Variants in NDST2 observed in about 807,000 individuals in gnomAD.
The protein encoded by NDST2 is N-deacetylase and N-sulfotransferase 2, also known as bifunctional heparan sulfate N-deacetylase/N-sulfotransferase 2.
A neutral mutation model predicts 86.9 loss-of-function variants in NDST2; 32 were observed. That is an observed-to-expected ratio of 0.37 (90% CI 0.28 to 0.49). The LOEUF (loss-of-function observed/expected upper bound fraction) is 0.49. Ranked by LOEUF, NDST2 falls within the 20% of genes least tolerant of loss-of-function variation. The probability of loss-of-function intolerance (pLI) is 0.97; values close to 1 mark genes in which losing one functional copy is unlikely to be tolerated. For synonymous variants in NDST2, 409 were observed against 437.0 expected (o/e 0.94, Z 0.80); for missense variants, 950 against 1,146.9 (o/e 0.83, Z 2.48).
At position 73,807,622 on chromosome 10, in the gene NDST2, A is replaced by ACTGGTC. The variant is rs1424148353; in HGVS notation, c.761_766dup (p.Gly254_Pro255dup). On this transcript the variant is annotated inframe_insertion, in exon 3 of 15. Transcript: ENST00000309979. ...AGTGGGAAGCCGGGCCCGACGAAGA[A>ACTGGTC]CTGGTCCTGGCACTGCGGGCTCAGC... is the stretch of plus-strand genomic sequence containing the variant. 3.7e-6 allele frequency: 6 copies of ACTGGTC among 1,614,238 alleles called. No homozygotes were observed. Among genetic ancestry groups the ACTGGTC allele is most frequent in the African/African-American group, 1.3e-5 (1 of 75,068 alleles).
chr10:73,806,411 T>C lies in NDST2; in HGVS notation c.1312A>G (p.Ile438Val). 6.2e-7 allele frequency: 1 copy of C among 1,613,864 alleles called. No individual in the cohort carries two copies. Among genetic ancestry groups the C allele is most frequent in the Non-Finnish European group, 8.5e-7 (1 of 1,179,860 alleles). The change falls in exon 6 of 15, where the codon ATC becomes GTC. Residue 438 changes from isoleucine to valine, a missense_variant. Ile to Val is a conservative substitution (Grantham distance 29). This residue lies in a region of NDST2 where 586 missense variants were observed against 714.0 expected (regional missense o/e 0.82). Transcript: ENST00000309979. This position sits in a 1 kb window ranked among gnomAD's most constrained non-coding sequence, Gnocchi z 4.5. ...VAPHHSGVYP[I>V]HTQLYEAWKS... ...CAGGCCTCATAGAGCTGCGTGTGGA[T>C]GGGGTACACACCCGAGTGGTGGGGG...
rs749686057 is a variant in NDST2 at position 73,806,032 on chromosome 10, G to A, written c.1435-4C>T. 5.0e-6 allele frequency: 8 copies of A among 1,610,988 alleles called. No homozygotes were observed. In the East Asian group the frequency reaches 1.6e-4, roughly 31 times the overall value. On this transcript the variant is annotated splice_polypyrimidine_tract_variant and splice_region_variant and intron_variant, in intron 6 of 14. Transcript: ENST00000309979. This position sits in a 1 kb window ranked among gnomAD's most constrained non-coding sequence, Gnocchi z 4.5. Reference sequence around the variant, plus strand: ...CACATGTCTGCCGGGGCAGCACCTGGAGGGAAAAGAAAAAACAGATGAGAT... The same window carrying A: ...CACATGTCTGCCGGGGCAGCACCTGAAGGGAAAAGAAAAAACAGATGAGAT...
chr10:73,802,622 G>C (rs1164052641), intron 14 of NDST2, 46 bp from the exon 15 acceptor site: 1 of 1,614,078 alleles, frequency 6.2e-7, no homozygotes, highest in Non-Finnish European at 8.5e-7. Context: ...GTGGGACACA[G>C]AATCAGATCC....
Position 73,808,196 on chromosome 10 carries a change from G to A in NDST2, c.193C>T (p.Pro65Ser), listed in dbSNP as rs1479455153. The change falls in exon 3 of 15, where the codon CCT becomes TCT. Residue 65 changes from proline (P) to serine (S), a missense_variant. By Grantham distance (74) the Pro-to-Ser change is moderately conservative (BLOSUM62 -1). Around this residue, in one of 5 missense-constraint regions of NDST2, gnomAD observed 586 missense variants for 714.0 expected, o/e 0.82. Coordinates refer to ENST00000309979, the MANE Select transcript of NDST2 (RefSeq NM_003635.4). The surrounding 1 kb of genome is among the most constrained non-coding windows in gnomAD (Gnocchi z 4.3). ...CGAGGTGGAACTGGAGGCCGTGCAG[G>A]GCCAGGACCAGCTGCCCCACCGCTG... ...CSSGGAAGPG[P>S]ARPPVPPRPP... is the part of the protein sequence containing the mutation. 2 of 1,613,878 alleles carry A rather than the reference G, an allele frequency of 1.2e-6. No homozygotes were observed. Among genetic ancestry groups the A allele is most frequent in the Non-Finnish European group, 1.7e-6 (2 of 1,179,880 alleles).
At chr10:73,804,902 ATTTTT>A in intron 8 of NDST2, 33 bp from the exon 9 acceptor site, 32 of 983,064 alleles carry the variant, frequency 3.3e-5, no homozygotes, top group Middle Eastern at 3.1e-4. Flanking sequence ...GATAAGGCCT[ATTTTT>A]TTTTTTTTTT....
At chr10:73,803,516 C>T in intron 11 of NDST2, 58 bp downstream of exon 11, 1 of 1,185,716 alleles carries the variant, frequency 8.4e-7, no homozygotes, top group Non-Finnish European at 1.3e-6. Context: ...CTAGCAGTCA[C>T]TGTCCCCTCC....
chr10:73,810,103 A>C (rs2084170346), intron 2 of NDST2, among the ~76,000 whole-genome samples: 1 of 152,084 alleles, frequency 6.6e-6, no homozygotes. Flanking sequence ...CCCACCCCCA[A>C]ACACACATCT....
At chr10:73,810,159 T>C (rs2084171094) in intron 2 of NDST2, among the ~76,000 whole-genome samples, 1 of 152,062 alleles carries the variant, frequency 6.6e-6, no homozygotes, top group Non-Finnish European at 1.5e-5. Context: ...TTGACAGAGA[T>C]GATTTAAAAA....
Position 73,806,502 on chromosome 10 carries a change from A to C in NDST2, c.1249-28T>G. On this transcript the variant is annotated intron_variant, in intron 5 of 14. Coordinates refer to ENST00000309979, the MANE Select transcript of NDST2 (RefSeq NM_003635.4). The surrounding 1 kb of genome is among the most constrained non-coding windows in gnomAD (Gnocchi z 4.5). ...GGGAATGGCATAGACTCTCACCAGG[A>C]CCTGGTGAGGTTTGGGGAGTAGAGG... The C allele has an allele frequency of 6.4e-7, 1 of 1,560,734 alleles. No individual in the cohort carries two copies. The highest frequency in any genetic ancestry group is 8.7e-7 in the Non-Finnish European group (1 of 1,150,024).
Position 73,805,946 on chromosome 10 carries a change from C to T in NDST2, c.1517G>A (p.Arg506Gln), listed in dbSNP as rs150846687. The change falls in exon 7 of 15, where the codon CGG becomes CAG. Residue 506 changes from arginine (R) to glutamine (Q), a missense_variant. Arg to Gln is a conservative substitution (Grantham distance 43, BLOSUM62 1). Around this residue, in one of 5 missense-constraint regions of NDST2, gnomAD observed 586 missense variants for 714.0 expected, o/e 0.82. Transcript: ENST00000309979. ...AAAGAGCTCTCCACCTCGGATGCTCCGGTCTAGTTCACGAGAGCCTCCAGG... is the reference window on the plus strand; with the variant it reads ...AAAGAGCTCTCCACCTCGGATGCTCTGGTCTAGTTCACGAGAGCCTCCAGG... The part of the protein sequence containing the change: ...EYPGGSRELD[R>Q]SIRGGELFLT... 2.3e-4 allele frequency: 368 copies of T among 1,614,164 alleles called. 3 individuals carry two copies. The African/African-American group carries it at 2.5e-3, about 11-fold the overall frequency.
intron 9 of NDST2, 135 bp from the exon 10 acceptor site, chr10:73,804,151 G>A (rs1210204489): frequency 1.2e-5 from 12 of 980,522 alleles, no homozygotes; most frequent in Non-Finnish European, 1.8e-5. Flanking sequence ...ACAATGATAG[G>A]AGGCAAGTCT....
Position 73,808,415 on chromosome 10 carries a change from T to C in NDST2, c.-27A>G. 6.4e-7 allele frequency: 1 copy of C among 1,562,558 alleles called. No homozygotes were observed. Among genetic ancestry groups the C allele is most frequent in the Non-Finnish European group, 8.7e-7 (1 of 1,152,784 alleles). ...GCGGGGGGAGGAAGGGAGGGAGGAA[T>C]GGGGACCACCTCAGGGGATGGGAGG... On this transcript the variant is annotated 5_prime_UTR_variant, in exon 3 of 15. Transcript: ENST00000309979. This position sits in a 1 kb window ranked among gnomAD's most constrained non-coding sequence, Gnocchi z 4.3.
chr10:73,806,073 A>G lies in NDST2; in HGVS notation c.1435-45T>C. 1 of 1,607,222 alleles carries G rather than the reference A, an allele frequency of 6.2e-7. No individual in the cohort carries two copies. Among genetic ancestry groups the G allele is most frequent in the Admixed American group, 1.7e-5 (1 of 59,308 alleles). ...CAGATGAGATTTGAAAGATAGAATGAGAAGTAGATGGAGGACACTGGGATT... is the reference window on the plus strand; with the variant it reads ...CAGATGAGATTTGAAAGATAGAATGGGAAGTAGATGGAGGACACTGGGATT... On this transcript the variant is annotated intron_variant, in intron 6 of 14. Transcript: ENST00000309979. This position sits in a 1 kb window ranked among gnomAD's most constrained non-coding sequence, Gnocchi z 4.5.
chr10:73,802,843 T>A, intron 13 of NDST2, 67 bp from the exon 14 acceptor site: 1 of 1,507,306 alleles, frequency 6.6e-7, no homozygotes, highest in Non-Finnish European at 9.2e-7. Context: ...AAATGCACAA[T>A]GCCCTTCCCT....
chr10:73,802,777 C>T lies in NDST2; in HGVS notation c.2424-1G>A. 1 of 1,613,898 alleles carries T rather than the reference C, an allele frequency of 6.2e-7. No homozygotes were observed. Among genetic ancestry groups the T allele is most frequent in the Non-Finnish European group, 8.5e-7 (1 of 1,179,760 alleles). Reference sequence around the variant, plus strand: ...CCAAAATCCCTTATCATCATCAAACCTGCTCAACAGGAAGAGGCCATGAGG... The same window carrying T: ...CCAAAATCCCTTATCATCATCAAACTTGCTCAACAGGAAGAGGCCATGAGG... On this transcript the variant is annotated splice_acceptor_variant, in intron 13 of 14. Transcript: ENST00000309979. LOFTEE classifies it high-confidence loss of function.
At chr10:73,809,813 G>A (rs529950666) in intron 2 of NDST2, among the ~76,000 whole-genome samples, 7 of 152,256 alleles carry the variant, frequency 4.6e-5, no homozygotes, top group African/African-American at 1.7e-4. Flanking sequence ...GCCTACTGCA[G>A]CTTCAAACTC....
At position 73,806,623 on chromosome 10, in the gene NDST2, G is replaced by A. The variant is rs750559389; in HGVS notation, c.1248+34C>T. Reference sequence around the variant, plus strand: ...AAGGTAGAAAAGGAAGCATGGCTGGGAGAAATTATGGGGAAGAGATCCAAG... The same window carrying A: ...AAGGTAGAAAAGGAAGCATGGCTGGAAGAAATTATGGGGAAGAGATCCAAG... On this transcript the variant is annotated intron_variant, in intron 5 of 14. Transcript: ENST00000309979. This position sits in a 1 kb window ranked among gnomAD's most constrained non-coding sequence, Gnocchi z 4.5. 6.2e-7 allele frequency: 1 copy of A among 1,601,916 alleles called. No homozygotes were observed. The highest frequency in any genetic ancestry group is 1.7e-4 in the Middle Eastern group (1 of 6,036).
chr10:73,806,944 A>T lies in NDST2; in HGVS notation c.1094-133T>A. 6.6e-7 allele frequency: 1 copy of T among 1,507,346 alleles called. No homozygotes were observed. 93.4% of individuals were successfully genotyped at this position (1,507,346 alleles called of 1,614,324 possible). A position where few individuals can be genotyped will look rare whatever the true frequency, so the allele number is the denominator to read the frequency against. ...CTATTTGCCCCACTGCCAACTTGCC[A>T]TCCAGCCACCCATGCGAACCTAAAT... On this transcript the variant is annotated intron_variant, in intron 4 of 14. Transcript: ENST00000309979. The surrounding 1 kb of genome is among the most constrained non-coding windows in gnomAD (Gnocchi z 4.5).
chr10:73,802,541 A>G lies in NDST2; in HGVS notation c.2562T>C (p.His854=). 6.2e-7 allele frequency: 1 copy of G among 1,614,132 alleles called. No homozygotes were observed. The highest frequency in any genetic ancestry group is 8.5e-7 in the Non-Finnish European group (1 of 1,180,024). The change falls in exon 15 of 15, where the codon CAT becomes CAC. Residue 854 remains histidine, a synonymous_variant. Transcript: ENST00000309979. Reference sequence around the variant, plus strand: ...TCAGCAGCTTCGACAACTCCAAATTATGGTTCCGGAAAAAATCCGTAAGGA... The same window carrying G: ...TCAGCAGCTTCGACAACTCCAAATTGTGGTTCCGGAAAAAATCCGTAAGGA... The part of the protein sequence containing the change: ...RLFLTDFFRN[H]NLELSKLLSR...
Sources: allele counts gnomAD v4.1 joint callset (sites outside exome capture counted in the v4.1 genomes callset), GRCh38; gene constraint gnomAD v4.1.1; regional missense constraint gnomAD v4.1.1; non-coding constraint Gnocchi (gnomAD v3.1); transcripts MANE v1.5; gene names NCBI Gene and HGNC (gene_info 2026-07-23, HGNC 2026-07-21).